The following AFDN variants were observed in gnomAD, a reference collection of about 807,000 sequenced individuals.
AFDN encodes the protein afadin, adherens junction formation factor.
AFDN carries 68 observed loss-of-function variants against 216.6 expected under a neutral mutation model. The ratio of observed to expected loss-of-function variants is 0.31; its 90% CI spans 0.26 to 0.38. AFDN has a LOEUF of 0.38. AFDN is among the 10% of genes least tolerant of loss of function. AFDN has a pLI of 1.00. For synonymous variants in AFDN, 868 were observed against 853.7 expected (o/e 1.02, Z -0.29); for missense variants, 2,136 against 2,342.0 (o/e 0.91, Z 1.82).
At chr6:167,949,271 T>C (rs1453510530) in intron 29 of AFDN, among the ~76,000 whole-genome samples, 2 of 152,194 alleles carry the variant, frequency 1.3e-5, no homozygotes, top group East Asian at 3.8e-4. Flanking sequence ...ATGCCCTGGA[T>C]CGCAGACGCT....
chr6:167,874,992 G>A (rs769285609), intron 4 of AFDN, among the ~76,000 whole-genome samples: 5 of 152,124 alleles, frequency 3.3e-5, no homozygotes, highest in African/African-American at 4.8e-5. Flanking sequence ...TGGTTGGAAG[G>A]TCATGGTAAA....
At position 167,863,598 on chromosome 6, in the gene AFDN, T is replaced by A. The variant is rs534809744; in HGVS notation, c.106-953T>A. Among the ~76,000 whole-genome samples, 3 of 152,360 alleles carry A rather than the reference T, an allele frequency of 2.0e-5. No homozygotes were observed. The East Asian group carries it at 5.8e-4, about 29-fold the overall frequency. On this transcript the variant is annotated intron_variant, in intron 1 of 33. Coordinates refer to ENST00000683244, the MANE Select transcript of AFDN (RefSeq NM_001386888.1). ...ATGACTTTAGTTGAACAACTGAATC[T>A]TTAATCTTGCTTGAGACAGTAAAAG... is the stretch of plus-strand genomic sequence containing the variant.
intron 6 of AFDN, among the ~76,000 whole-genome samples, chr6:167,887,761 G>T (rs1207456095): frequency 6.6e-6 from 1 of 151,926 alleles, no homozygotes; most frequent in Non-Finnish European, 1.5e-5. Flanking sequence ...CCTGGCCCAG[G>T]TTGCCATTTT....
chr6:167,960,741 C>T (rs1796952640), intron 30 of AFDN, among the ~76,000 whole-genome samples: 1 of 152,182 alleles, frequency 6.6e-6, no homozygotes, highest in African/African-American at 2.4e-5. Context: ...GTGCAGGAAG[C>T]CTGTGGGGAG....
rs1032801255 is a variant in AFDN, at chr6:167,902,471, C to G, written c.1650+85C>G. The G allele has an allele frequency of 2.0e-5, 20 of 1,014,262 alleles. No homozygotes were observed. The East Asian group carries it at 4.5e-4, about 23-fold the overall frequency. The allele number at this position is 1,014,262 out of a possible 1,614,324, so 62.8% of individuals were successfully genotyped here. A position where few individuals can be genotyped will look rare whatever the true frequency, so the allele number is the denominator to read the frequency against. On this transcript the variant is annotated intron_variant, in intron 12 of 33. Transcript: ENST00000683244. ...ACAGTAGTGGTGGGGGATGTGTTCCCCTTATTTGTGGGGGATGTGTTCCAA... is the reference window on the plus strand; with the variant it reads ...ACAGTAGTGGTGGGGGATGTGTTCCGCTTATTTGTGGGGGATGTGTTCCAA...
chr6:167,906,006 G>T (rs939231818), intron 12 of AFDN, among the ~76,000 whole-genome samples: 3 of 152,182 alleles, frequency 2.0e-5, no homozygotes, highest in African/African-American at 7.2e-5. Flanking sequence ...AGGAGGCTAA[G>T]GCAGGAGAAT....
At chr6:167,842,439 C>T (rs1349286078) in intron 1 of AFDN, among the ~76,000 whole-genome samples, 1 of 152,096 alleles carries the variant, frequency 6.6e-6, no homozygotes, top group East Asian at 1.9e-4. Flanking sequence ...ATCCTGAGGT[C>T]AAGGAGGCAC....
chr6:167,914,903 A>G (rs1459643122), intron 18 of AFDN, among the ~76,000 whole-genome samples, 165 bp downstream of exon 18: 1 of 152,186 alleles, frequency 6.6e-6, no homozygotes, highest in Non-Finnish European at 1.5e-5. Context: ...TTGTTTACAG[A>G]TAGTTCTCAT....
chr6:167,908,595 T>C (rs560997177), intron 13 of AFDN, among the ~76,000 whole-genome samples: 2 of 152,302 alleles, frequency 1.3e-5, no homozygotes, highest in African/African-American at 4.8e-5. Context: ...GTAAATGAAT[T>C]CGCACGAGGG....
chr6:167,842,976 G>C (rs1010533606), intron 1 of AFDN, among the ~76,000 whole-genome samples: 1 of 152,154 alleles, frequency 6.6e-6, no homozygotes, highest in Non-Finnish European at 1.5e-5. Context: ...GATTTTGGTG[G>C]CCAGTCTTGG....
chr6:167,943,094 T>G, intron 23 of AFDN, 35 bp from the exon 24 acceptor site: 1 of 1,573,614 alleles, frequency 6.4e-7, no homozygotes, highest in Non-Finnish European at 8.7e-7. Context: ...ACAATATATC[T>G]TCAATGCAGT....
At position 167,918,896 on chromosome 6, in the gene AFDN, T is replaced by G. The variant is rs1282708188; in HGVS notation, c.2871T>G (p.Asn957Lys). The G allele has an allele frequency of 6.2e-7, 1 of 1,614,118 alleles. No individual in the cohort carries two copies. The change falls in exon 21 of 34, where the codon AAT becomes AAG. Residue 957 changes from asparagine (N) to lysine (K), a missense_variant. By Grantham distance (94) the Asn-to-Lys change is moderately conservative (BLOSUM62 0). Transcript: ENST00000683244. ...YSCDVVRNIP[N>K]GLQEFLDPLC... ...GTGATGTTGTCAGAAACATTCCAAATGGTTTACAAGAATTTTTAGACCCTC... is the reference window on the plus strand; with the variant it reads ...GTGATGTTGTCAGAAACATTCCAAAGGGTTTACAAGAATTTTTAGACCCTC...
In AFDN at chr6:167,894,308, G is replaced by A. The variant is rs1466347197; in HGVS notation, c.1222+402G>A. 4.6e-5 allele frequency among the ~76,000 whole-genome samples: 7 copies of A among 152,204 alleles called. 1 individual carries two copies. The highest frequency in any genetic ancestry group is 4.2e-4 in the South Asian group (2 of 4,814). On this transcript the variant is annotated intron_variant, in intron 9 of 33. Transcript: ENST00000683244. ...GCAGTGCCGTTACTGTCTGTTGTGGGGTTACTTAGATTTGTCTCTGCTCTT... is the reference window on the plus strand; with the variant it reads ...GCAGTGCCGTTACTGTCTGTTGTGGAGTTACTTAGATTTGTCTCTGCTCTT...
At chr6:167,894,151 T>C (rs557623679) in intron 9 of AFDN, among the ~76,000 whole-genome samples, 6 of 152,146 alleles carry the variant, frequency 3.9e-5, no homozygotes, top group Non-Finnish European at 8.8e-5. Flanking sequence ...GGGAAGGAAC[T>C]GAAGGCAAAA....
At chr6:167,949,469 A>G (rs769921676) in intron 29 of AFDN, among the ~76,000 whole-genome samples, 4 of 152,178 alleles carry the variant, frequency 2.6e-5, no homozygotes, top group African/African-American at 7.2e-5. Flanking sequence ...AATGCTCCTC[A>G]GGCCACAGAT....
chr6:167,918,830 T>C lies in AFDN; in HGVS notation c.2805T>C (p.Asp935=), dbSNP rs993453508. ...GREVQLEEDP[D]LQLPFLLPED... ...AAGTGCAGTTGGAGGAGGATCCTGA[T>C]CTGCAGCTGCCGTTTCTTTTGCCAG... Residue 935 remains aspartate (D), a synonymous_variant, in exon 21 of 34, where the codon GAT becomes GAC. Coordinates refer to ENST00000683244, the MANE Select transcript of AFDN (RefSeq NM_001386888.1). 1 of 1,613,058 alleles carries C rather than the reference T, an allele frequency of 6.2e-7. No homozygotes were observed. Among genetic ancestry groups the C allele is most frequent in the Non-Finnish European group, 8.5e-7 (1 of 1,179,390 alleles).
At chr6:167,929,889 A>G (rs997344138) in intron 23 of AFDN, among the ~76,000 whole-genome samples, 3 of 152,214 alleles carry the variant, frequency 2.0e-5, no homozygotes, top group African/African-American at 7.2e-5. Context: ...AAGAAAAGGG[A>G]GTTCAGATTT....
chr6:167,839,754 T>C (rs528512767), intron 1 of AFDN, among the ~76,000 whole-genome samples: 2 of 152,356 alleles, frequency 1.3e-5, no homozygotes, highest in Middle Eastern at 6.8e-3. Flanking sequence ...CATGGTCTTT[T>C]TCTCAAAAAG....
chr6:167,926,405 A>G (rs140068262), intron 23 of AFDN, among the ~76,000 whole-genome samples: 133 of 152,362 alleles, frequency 8.7e-4, no homozygotes, highest in African/African-American at 3.2e-3. Flanking sequence ...CTGGCTGGGC[A>G]TATTTGCATC....
Sources: gnomAD v4.1 joint callset for allele counts (sites outside exome capture counted in the v4.1 genomes callset) on GRCh38, gnomAD v4.1.1 for gene constraint, MANE v1.5 for transcripts, NCBI Gene and HGNC (gene_info 2026-07-23, HGNC 2026-07-21) for gene names.